NEK11: variants seen among roughly 807,000 people sequenced by gnomAD.
NEK11 encodes serine/threonine-protein kinase Nek11.
A neutral mutation model predicts 80.7 loss-of-function variants in NEK11; 72 were observed. The ratio of observed to expected loss-of-function variants is 0.89; its 90% CI spans 0.74 to 1.08. The LOEUF is 1.08. Ranked by LOEUF, NEK11 falls within the 50% of genes least tolerant of loss-of-function variation. NEK11 has a pLI of 0.00. For missense variants in NEK11, 764 were observed against 763.6 expected, an observed-to-expected ratio of 1.00 and a Z score of -0.01; for synonymous variants, 251 against 260.7, an observed-to-expected ratio of 0.96 and a Z score of 0.36.
At chr3:131,293,698 A>G (rs1423262253) in intron 17 of NEK11, among the ~76,000 whole-genome samples, 2 of 152,118 alleles carry the variant, frequency 1.3e-5, no homozygotes. Flanking sequence ...AGTGTTTGGT[A>G]GAAGCAACAG....
At chr3:131,231,886 A>G (rs561705428) in intron 15 of NEK11, among the ~76,000 whole-genome samples, 20 of 152,220 alleles carry the variant, frequency 1.3e-4, no homozygotes, top group African/African-American at 4.3e-4. Flanking sequence ...TAATCAGATC[A>G]AAGTTGATTC....
chr3:131,291,239 C>T (rs2096540665), intron 17 of NEK11, among the ~76,000 whole-genome samples: 1 of 152,144 alleles, frequency 6.6e-6, no homozygotes, highest in African/African-American at 2.4e-5. Context: ...TAAGATTCCT[C>T]CATGTCTTTT....
rs531857489 is a variant in NEK11, at chr3:131,204,005, G to A, written c.1400-24523G>A. Among the ~76,000 whole-genome samples, 8 of 151,898 alleles carry A rather than the reference G, an allele frequency of 5.3e-5. No homozygotes were observed. The South Asian group carries it at 1.7e-3, about 32-fold the overall frequency. ...GGTCCTGTTTCATTCCCTGGAGAAA[G>A]AGATGCTGCATAGAGAGGCCAAATG... On this transcript the variant is annotated intron_variant, in intron 14 of 17. Coordinates refer to ENST00000383366, the MANE Select transcript of NEK11 (RefSeq NM_024800.5).
intron 16 of NEK11, among the ~76,000 whole-genome samples, chr3:131,265,502 A>G (rs2096033993): frequency 6.6e-6 from 1 of 152,058 alleles, no homozygotes; most frequent in African/African-American, 2.4e-5. Context: ...GTTCTGTTTA[A>G]GTAATGGATT....
At chr3:131,235,363 A>C (rs2095413523) in intron 15 of NEK11, among the ~76,000 whole-genome samples, 1 of 152,234 alleles carries the variant, frequency 6.6e-6, no homozygotes, top group South Asian at 2.1e-4. Flanking sequence ...TGGTGCACAG[A>C]AACCCTGCAA....
In NEK11 at chr3:131,314,695, G is replaced by A. The variant is rs115602029; in HGVS notation, c.1719-34862G>A. ...CCACCACACACCAAAAACATTCTTG[G>A]AGCATATCATGCTTCTGTGTTTCTT... On this transcript the variant is annotated intron_variant, in intron 17 of 17. Coordinates refer to ENST00000383366, the MANE Select transcript of NEK11 (RefSeq NM_024800.5). Among the ~76,000 whole-genome samples the A allele has an allele frequency of 8.6e-3, 1,307 of 152,264 alleles. 13 individuals carry two copies. The highest frequency in any genetic ancestry group is 0.028 in the African/African-American group (1,159 of 41,550).
chr3:131,080,972 T>A (rs1340408091), intron 4 of NEK11, among the ~76,000 whole-genome samples: 1 of 151,690 alleles, frequency 6.6e-6, no homozygotes, highest in Non-Finnish European at 1.5e-5. Flanking sequence ...TAGCCGGGCG[T>A]GGTTGTATGA....
intron 7 of NEK11, among the ~76,000 whole-genome samples, chr3:131,139,491 CAG>C (rs1204942536): frequency 6.6e-6 from 1 of 151,608 alleles, no homozygotes; most frequent in Non-Finnish European, 1.5e-5. Context: ...GGAATAGTAA[CAG>C]AGAACTTCCT....
At chr3:131,178,127 T>G (rs2093141267) in intron 14 of NEK11, among the ~76,000 whole-genome samples, 1 of 152,164 alleles carries the variant, frequency 6.6e-6, no homozygotes, top group Non-Finnish European at 1.5e-5. Flanking sequence ...TACACCTGTA[T>G]AGGGCACTTA....
chr3:131,211,083 A>G (rs2094597820), intron 14 of NEK11, among the ~76,000 whole-genome samples: 1 of 152,112 alleles, frequency 6.6e-6, no homozygotes, highest in Non-Finnish European at 1.5e-5. Flanking sequence ...GGTCTTTACA[A>G]TTTGGCATGT....
intron 17 of NEK11, among the ~76,000 whole-genome samples, chr3:131,279,491 G>A (rs938081170): frequency 2.6e-5 from 4 of 151,956 alleles, no homozygotes; most frequent in Admixed American, 1.3e-4. Flanking sequence ...TTAGTAAACA[G>A]TTCTATCAGT....
intron 14 of NEK11, among the ~76,000 whole-genome samples, chr3:131,171,311 A>G (rs1347610801): frequency 6.6e-6 from 1 of 152,176 alleles, no homozygotes; most frequent in Non-Finnish European, 1.5e-5. Flanking sequence ...ATTACCAGAA[A>G]ATAAAAGTGC....
chr3:131,169,133 A>G (rs990997798), intron 13 of NEK11, among the ~76,000 whole-genome samples, 196 bp downstream of exon 13: 13 of 152,198 alleles, frequency 8.5e-5, no homozygotes, highest in African/African-American at 3.1e-4. Context: ...CAGATGCAAG[A>G]GGCTAAAGAA....
rs138990597 is a variant in NEK11 at position 131,313,856 on chromosome 3, G to A, written c.1719-35701G>A. On this transcript the variant is annotated intron_variant, in intron 17 of 17. Coordinates refer to ENST00000383366, the MANE Select transcript of NEK11 (RefSeq NM_024800.5). ...CCCCACAGGTTTACATATGAACCAA[G>A]TAGCATTTCAACATTGTGCGTTTTC... is the stretch of plus-strand genomic sequence containing the variant. Among the ~76,000 whole-genome samples, 355 of 152,290 alleles carry A rather than the reference G, an allele frequency of 2.3e-3. 2 individuals are homozygous for A. Among genetic ancestry groups the A allele is most frequent in the Admixed American group, 5.2e-3 (80 of 15,290 alleles).
chr3:131,152,451 C>T lies in NEK11; in HGVS notation c.711C>T (p.Phe237=). ...ATCATGCATTCGCTGGCTCCAATTT[C>T]TTATCCATTGTTTTAAAAATTGTTG... is the stretch of plus-strand genomic sequence containing the variant. ...CMNHAFAGSN[F]LSIVLKIVEG... The change falls in exon 8 of 18, where the codon TTC becomes TTT. Residue 237 remains phenylalanine (F), a synonymous_variant. Transcript: ENST00000383366. The T allele has an allele frequency of 6.2e-7, 1 of 1,613,756 alleles. No homozygotes were observed. The highest frequency in any genetic ancestry group is 8.5e-7 in the Non-Finnish European group (1 of 1,179,704).
rs569548046 is a variant in NEK11 at position 131,153,137 on chromosome 3, C to T, written c.876+428C>T. On this transcript the variant is annotated intron_variant, in intron 9 of 17. Transcript: ENST00000383366. Reference sequence around the variant, plus strand: ...AAGCTGAGAAAAATAGTAGTCAGGACAATCTCTTTCCAAAATAAGGTGTGT... The same window carrying T: ...AAGCTGAGAAAAATAGTAGTCAGGATAATCTCTTTCCAAAATAAGGTGTGT... Among the ~76,000 whole-genome samples the T allele has an allele frequency of 8.5e-5, 13 of 152,200 alleles. No homozygotes were observed. The East Asian group carries it at 2.5e-3, about 29-fold the overall frequency.
chr3:131,283,630 G>A (rs1581379806), intron 17 of NEK11, among the ~76,000 whole-genome samples: 2 of 152,074 alleles, frequency 1.3e-5, no homozygotes, highest in Non-Finnish European at 2.9e-5. Flanking sequence ...ACTGATTGAA[G>A]TAACCCTTTA....
chr3:131,207,011 G>A (rs1016659572), intron 14 of NEK11, among the ~76,000 whole-genome samples: 15 of 152,096 alleles, frequency 9.9e-5, no homozygotes, highest in African/African-American at 3.1e-4. Context: ...ATTTTTTATG[G>A]CTGCATAGTA....
At chr3:131,109,751 G>T in intron 4 of NEK11, 52 bp from the exon 5 acceptor site, 1 of 1,529,472 alleles carries the variant, frequency 6.5e-7, no homozygotes, top group South Asian at 1.3e-5. Flanking sequence ...AAGTGAACTT[G>T]ATTTTAACAT....
Sources: allele counts gnomAD v4.1 joint callset (sites outside exome capture counted in the v4.1 genomes callset), GRCh38; gene constraint gnomAD v4.1.1; transcripts MANE v1.5; gene names NCBI Gene and HGNC (gene_info 2026-07-23, HGNC 2026-07-21).